The following CPLANE1 variants were observed in gnomAD, a reference collection of about 807,000 sequenced individuals.
CPLANE1 encodes ciliogenesis and planar polarity effector 1.
Under a neutral mutation model 362.5 loss-of-function variants are expected in CPLANE1, and 263 were observed. The observed-to-expected ratio is 0.73, with a 90% confidence interval of 0.66 to 0.80. The LOEUF is 0.80. Among genes scored for constraint, CPLANE1 ranks in the 30% least tolerant of loss-of-function variants. The probability of loss-of-function intolerance (pLI) is 0.00; values close to 1 mark genes in which losing one functional copy is unlikely to be tolerated. For missense variants in CPLANE1, 3,461 were observed against 3,793.4 expected (o/e 0.91, Z 2.30); for synonymous variants, 1,212 against 1,302.6 (o/e 0.93, Z 1.50).
chr5:37,117,178 T>G (rs1761252321), intron 50 of CPLANE1, among the ~76,000 whole-genome samples: 1 of 152,144 alleles, frequency 6.6e-6, no homozygotes, highest in Non-Finnish European at 1.5e-5. Flanking sequence ...ATAGCTATGC[T>G]TAGGCAAAAA....
intron 21 of CPLANE1, among the ~76,000 whole-genome samples, chr5:37,189,438 G>C (rs10071931): frequency 4.3e-4 from 66 of 152,210 alleles, no homozygotes; most frequent in African/African-American, 1.4e-3. Context: ...TCTGCCGGGG[G>C]AGCACGGCCC....
intron 9 of CPLANE1, among the ~76,000 whole-genome samples, chr5:37,230,338 TTATAA>T (rs1274968425): frequency 1.3e-5 from 2 of 151,700 alleles, no homozygotes; most frequent in African/African-American, 2.4e-5. Flanking sequence ...CAAGTAAAAA[TTATAA>T]TATGACACAT....
intron 46 of CPLANE1, chr5:37,130,462 A>AG: frequency 9.2e-6 from 2 of 218,080 alleles, no homozygotes; most frequent in South Asian, 1.6e-4. Flanking sequence ...GCAGAAGTCC[A>AG]GGAACGTATT....
chr5:37,226,517 T>A lies in CPLANE1; in HGVS notation c.2078A>T (p.Lys693Ile). 2 of 1,548,314 alleles carry A rather than the reference T, an allele frequency of 1.3e-6. No individual in the cohort carries two copies. Among genetic ancestry groups the A allele is most frequent in the South Asian group, 2.4e-5 (2 of 83,228 alleles). The change falls in exon 12 of 53, where the codon AAA (lysine) becomes ATA (isoleucine). Residue 693 changes from lysine to isoleucine, a missense_variant. Physicochemically the swap from Lys to Ile is moderately radical, Grantham distance 102. This residue lies in a region of CPLANE1 where 3,380 missense variants were observed against 3,666.1 expected (regional missense o/e 0.92). Coordinates refer to ENST00000651892, the MANE Select transcript of CPLANE1 (RefSeq NM_001384732.1). The stretch of plus-strand genomic sequence containing the variant: ...ACCATTTAAATTGTCAGCTACCATT[T>A]TGAGTAAATAAAAACAAGCTAAAAG... The part of the protein sequence containing the change: ...EKLLACFYLL[K>I]MVADNLNGVY...
intron 18 of CPLANE1, 48 bp from the exon 19 acceptor site, chr5:37,201,856 T>C: frequency 6.8e-6 from 9 of 1,324,066 alleles, no homozygotes; most frequent in Non-Finnish European, 9.4e-6. Context: ...TGTATTAAAC[T>C]TCTTATCCAT....
chr5:37,201,900 C>G, intron 18 of CPLANE1, 92 bp from the exon 19 acceptor site: 1 of 823,492 alleles, frequency 1.2e-6, no homozygotes, highest in East Asian at 2.7e-5. Flanking sequence ...TAAAAACATT[C>G]ATTGTCAAGA....
rs961232499 is a variant in CPLANE1 at position 37,167,376 on chromosome 5, A to G, written c.7234-163T>C. Among the ~76,000 whole-genome samples, 13 of 152,248 alleles carry G rather than the reference A, an allele frequency of 8.5e-5. 1 individual carries two copies. In the East Asian group the frequency reaches 1.3e-3, roughly 16 times the overall value. On this transcript the variant is annotated intron_variant, in intron 34 of 52. Transcript: ENST00000651892. ...ATTTAAACTGGCAATATGAGTATACATATCTTAGAGAAAAAGTGATTTAAA... is the reference window on the plus strand; with the variant it reads ...ATTTAAACTGGCAATATGAGTATACGTATCTTAGAGAAAAAGTGATTTAAA...
chr5:37,224,290 C>A lies in CPLANE1; in HGVS notation c.2544G>T (p.Gln848His). 6.5e-7 allele frequency: 1 copy of A among 1,549,592 alleles called. No homozygotes were observed. The highest frequency in any genetic ancestry group is 8.7e-7 in the Non-Finnish European group (1 of 1,146,206). Residue 848 changes from glutamine to histidine, a missense_variant, in exon 14 of 53, where the codon CAG (glutamine) becomes CAT (histidine). Gln to His is a conservative substitution (Grantham distance 24). This residue lies in a region of CPLANE1 where 3,380 missense variants were observed against 3,666.1 expected (regional missense o/e 0.92). Coordinates refer to ENST00000651892, the MANE Select transcript of CPLANE1 (RefSeq NM_001384732.1). ...TTTCTTGTAGAGCTTTTTTCCACAG[C>A]TGAACAGACTTTTCATATGATCCTA... ...FLLGSYEKSV[Q>H]LWKKALQEIE...
intron 42 of CPLANE1, among the ~76,000 whole-genome samples, chr5:37,150,528 A>G (rs948932296): frequency 1.3e-5 from 2 of 151,984 alleles, no homozygotes; most frequent in African/African-American, 2.4e-5. Flanking sequence ...ACGCGCGCAC[A>G]CACACACACA....
chr5:37,245,622 T>A (rs1459287895), intron 3 of CPLANE1, 24 bp from the exon 4 acceptor site: 2 of 1,503,650 alleles, frequency 1.3e-6, no homozygotes, highest in Admixed American at 4.9e-5. Flanking sequence ...TGAAATGCAA[T>A]ACTTACAATC....
intron 29 of CPLANE1, among the ~76,000 whole-genome samples, chr5:37,178,794 C>G (rs1434292503): frequency 6.6e-6 from 1 of 152,014 alleles, no homozygotes; most frequent in East Asian, 1.9e-4. Flanking sequence ...GGGTCTCACT[C>G]TGTTGCCCAG....
chr5:37,238,970 A>C lies in CPLANE1; in HGVS notation c.835-10T>G. On this transcript the variant is annotated splice_polypyrimidine_tract_variant and intron_variant, in intron 7 of 52. Transcript: ENST00000651892. Reference sequence around the variant, plus strand: ...ATAATACCTGAGTTGCCTAGAAAGGAAAAAAAAGACAAGAAAACTATTAAA... The same window carrying C: ...ATAATACCTGAGTTGCCTAGAAAGGCAAAAAAAGACAAGAAAACTATTAAA... 7.5e-7 allele frequency: 1 copy of C among 1,334,394 alleles called. No homozygotes were observed. Among genetic ancestry groups the C allele is most frequent in the East Asian group, 2.6e-5 (1 of 38,914 alleles). The allele number at this position is 1,334,394 out of a possible 1,614,324, so 82.7% of individuals were successfully genotyped here. A position where few individuals can be genotyped will look rare whatever the true frequency, so the allele number is the denominator to read the frequency against.
chr5:37,121,572 G>C, intron 49 of CPLANE1, 45 bp downstream of exon 49: 1 of 1,571,066 alleles, frequency 6.4e-7, no homozygotes, highest in Non-Finnish European at 8.8e-7. Context: ...CTTCTTATCA[G>C]GCCTGACGTT....
At chr5:37,103,570 G>A (rs1757399667), downstream of CPLANE1, among the ~76,000 whole-genome samples, 2 of 152,136 alleles carry the variant, frequency 1.3e-5, no homozygotes, top group Non-Finnish European at 2.9e-5. Context: ...TGGTGGAGAT[G>A]TATTCCCTCA....
intron 46 of CPLANE1, chr5:37,130,381 T>C (rs768852557): frequency 5.6e-5 from 11 of 196,874 alleles, no homozygotes; most frequent in Non-Finnish European, 1.1e-4. Flanking sequence ...CCAAAACCTA[T>C]GGAAATTAAT....
At chr5:37,100,142 T>C in the CPLANE1 span, among the ~76,000 whole-genome samples, 1 of 152,210 alleles carries the variant, frequency 6.6e-6, no homozygotes, top group African/African-American at 2.4e-5. Flanking sequence ...ACTTTTGCTT[T>C]TGTTGCTGTG....
chr5:37,100,548 C>T, the CPLANE1 span, among the ~76,000 whole-genome samples: 3 of 152,172 alleles, frequency 2.0e-5, no homozygotes, highest in Admixed American at 6.6e-5. Context: ...AGCATGATGC[C>T]TCAAGCTTTG....
intron 24 of CPLANE1, among the ~76,000 whole-genome samples, chr5:37,186,060 A>G (rs1416029952): frequency 1.3e-5 from 2 of 152,238 alleles, no homozygotes; most frequent in Non-Finnish European, 2.9e-5. Context: ...AAGATCGCAC[A>G]GTTACTGACT....
chr5:37,211,324 G>C (rs185132413), intron 16 of CPLANE1: 31 of 1,505,250 alleles, frequency 2.1e-5, no homozygotes, highest in Non-Finnish European at 2.7e-5. Flanking sequence ...AGTTACCATC[G>C]GAGAGACATT....
Sources: allele counts gnomAD v4.1 joint callset (sites outside exome capture counted in the v4.1 genomes callset), GRCh38; gene constraint gnomAD v4.1.1; regional missense constraint gnomAD v4.1.1; transcripts MANE v1.5; gene names NCBI Gene and HGNC (gene_info 2026-07-23, HGNC 2026-07-21).